The following CHGA variants were observed in gnomAD, a reference collection of about 807,000 sequenced individuals.
CHGA encodes chromogranin-A.
A neutral mutation model predicts 54.4 loss-of-function variants in CHGA; 41 were observed. That is an observed-to-expected ratio of 0.75 (90% CI 0.59 to 0.98). The LOEUF (loss-of-function observed/expected upper bound fraction) is 0.98, where lower values mean the gene tolerates loss of function less well. Ranked by LOEUF, CHGA falls within the 50% of genes least tolerant of loss-of-function variation. CHGA has a pLI of 0.00. For synonymous variants in CHGA, 249 were observed against 232.8 expected (o/e 1.07, Z -0.63); for missense variants, 576 against 582.3 (o/e 0.99, Z 0.11).
intron 7 of CHGA, 150 bp downstream of exon 7, chr14:92,933,001 G>A (rs559483106): frequency 8.0e-7 from 1 of 1,244,950 alleles, no homozygotes; most frequent in Non-Finnish European, 1.1e-6. Flanking sequence ...GGGGCTCTCA[G>A]GGTGGGAGAA....
At chr14:92,923,506 T>C in intron 1 of CHGA, 101 bp downstream of exon 1, 2 of 1,080,204 alleles carry the variant, frequency 1.9e-6, no homozygotes, top group Non-Finnish European at 2.4e-6. Flanking sequence ...CACACTTCCC[T>C]TCGGGCGCGG....
intron 5 of CHGA, among the ~76,000 whole-genome samples, chr14:92,930,244 G>A (rs539868374): frequency 1.0e-3 from 156 of 152,362 alleles, no homozygotes; most frequent in Middle Eastern, 3.4e-3. Flanking sequence ...GGTGTGAAAC[G>A]TGAAATGAAC....
At chr14:92,930,011 C>T (rs958148986) in intron 5 of CHGA, among the ~76,000 whole-genome samples, 196 bp downstream of exon 5, 4 of 152,218 alleles carry the variant, frequency 2.6e-5, no homozygotes, top group Non-Finnish European at 5.9e-5. Flanking sequence ...CCAGGGGTTT[C>T]GATCTGGTCC....
At position 92,932,514 on chromosome 14, in the gene CHGA, G is replaced by A. The variant is rs147297806; in HGVS notation, c.953G>A (p.Arg318Gln). Residue 318 changes from arginine (R) to glutamine (Q), a missense_variant, in exon 7 of 8, where the codon CGG (arginine) becomes CAG (glutamine). Arg to Gln is a conservative substitution (Grantham distance 43, BLOSUM62 1). Coordinates refer to ENST00000216492, the MANE Select transcript of CHGA (RefSeq NM_001275.4). This position sits in a 1 kb window ranked among gnomAD's most constrained non-coding sequence, Gnocchi z 5.3. The stretch of plus-strand genomic sequence containing the variant: ...GCAGTGGTCCCGCAAGGCCTCTTCC[G>A]GGGTGGGAAGAGCGGAGAGCTGGAG... ...EMAVVPQGLF[R>Q]GGKSGELEQE... The A allele has an allele frequency of 1.2e-5, 19 of 1,553,742 alleles. No individual in the cohort carries two copies. Among genetic ancestry groups the A allele is most frequent in the East Asian group, 7.2e-5 (3 of 41,402 alleles).
At position 92,934,216 on chromosome 14, in the gene CHGA, G is replaced by C. The variant is rs192674265; in HGVS notation, c.1291-585G>C. 6.1e-3 allele frequency among the ~76,000 whole-genome samples: 927 copies of C among 152,334 alleles called. 4 individuals are homozygous for C. The highest frequency in any genetic ancestry group is 0.029 in the South Asian group (138 of 4,826). Reference sequence around the variant, plus strand: ...CTGAAAGCTTCTGCAGACGGGCATAGAACAGGGCTCAGAGGAGGGGTCCCT... The same window carrying C: ...CTGAAAGCTTCTGCAGACGGGCATACAACAGGGCTCAGAGGAGGGGTCCCT... On this transcript the variant is annotated intron_variant, in intron 7 of 7. Coordinates refer to ENST00000216492, the MANE Select transcript of CHGA (RefSeq NM_001275.4).
In CHGA at chr14:92,929,727, G is replaced by C; in HGVS notation, c.267G>C (p.Glu89Asp). The part of the protein sequence containing the change: ...LQDLALQGAK[E>D]RAHQQKKHSG... ...CTTTTCTCATACCAGGCGCCAAGGAGAGGGCACATCAGCAGAAGAAACACA... is the reference window on the plus strand; with the variant it reads ...CTTTTCTCATACCAGGCGCCAAGGACAGGGCACATCAGCAGAAGAAACACA... The change falls in exon 5 of 8, where the codon GAG (glutamate) becomes GAC (aspartate). Residue 89 changes from glutamate (E) to aspartate (D), a missense_variant. Physicochemically the swap from Glu to Asp is conservative, Grantham distance 45. Transcript: ENST00000216492. 1.2e-6 allele frequency: 2 copies of C among 1,613,980 alleles called. No homozygotes were observed. The highest frequency in any genetic ancestry group is 1.7e-6 in the Non-Finnish European group (2 of 1,180,004).
rs771649968 is a variant in CHGA, at chr14:92,931,502, G to C, written c.608G>C (p.Ser203Thr). 23 of 1,612,552 alleles carry C rather than the reference G, an allele frequency of 1.4e-5. No individual in the cohort carries two copies. Among genetic ancestry groups the C allele is most frequent in the Non-Finnish European group, 1.7e-5 (20 of 1,179,704 alleles). The change falls in exon 6 of 8, where the codon AGT (serine) becomes ACT (threonine). Residue 203 changes from serine (S) to threonine (T), a missense_variant. Physicochemically the swap from Ser to Thr is moderately conservative, Grantham distance 58. Transcript: ENST00000216492. ...CCAGGCCCACAGGCCGAGGGGGACA[G>C]TGAGGGCCTCTCTCAGGGTCTGGTG... ...KYPGPQAEGDSEGLSQGLVDR... is the reference protein window; with the variant it reads ...KYPGPQAEGDTEGLSQGLVDR...
In CHGA at chr14:92,932,647, G is replaced by T. The variant is rs374405768; in HGVS notation, c.1086G>T (p.Glu362Asp). The change falls in exon 7 of 8, where the codon GAG (glutamate) becomes GAT (aspartate). Residue 362 changes from glutamate to aspartate, a missense_variant. Coordinates refer to ENST00000216492, the MANE Select transcript of CHGA (RefSeq NM_001275.4). This position sits in a 1 kb window ranked among gnomAD's most constrained non-coding sequence, Gnocchi z 5.3. ...CTGAGAAGCGGCTGGAGGGGCAGGA[G>T]GAGGAGGAGGACAACCGGGACAGTT... ...LTAEKRLEGQ[E>D]EEEDNRDSSM... 26 of 1,597,528 alleles carry T rather than the reference G, an allele frequency of 1.6e-5. No homozygotes were observed. In the African/African-American group the frequency reaches 3.3e-4, roughly 21 times the overall value.
At chr14:92,923,141 G>A (rs1461636469), upstream of CHGA, 2 of 347,040 alleles carry the variant, frequency 5.8e-6, no homozygotes, top group Admixed American at 4.9e-5. Flanking sequence ...GCGCGAGGGC[G>A]CTGCTGCTGC....
chr14:92,929,722 A>T lies in CHGA; in HGVS notation c.262A>T (p.Lys88Ter). 6.2e-7 allele frequency: 1 copy of T among 1,613,940 alleles called. No individual in the cohort carries two copies. Among genetic ancestry groups the T allele is most frequent in the South Asian group, 1.1e-5 (1 of 91,080 alleles). The change falls in exon 5 of 8, where the codon AAG (lysine) becomes TAG (stop). Residue 88 changes from lysine (K) to a stop codon, truncating the protein, a stop_gained. Coordinates refer to ENST00000216492, the MANE Select transcript of CHGA (RefSeq NM_001275.4). LOFTEE classifies it high-confidence loss of function. ...CCCTCCTTTTCTCATACCAGGCGCCAAGGAGAGGGCACATCAGCAGAAGAA... is the reference window on the plus strand; with the variant it reads ...CCCTCCTTTTCTCATACCAGGCGCCTAGGAGAGGGCACATCAGCAGAAGAA... ...ELQDLALQGA[K>*]ERAHQQKKHS...
rs748282255 is a variant in CHGA at position 92,931,275 on chromosome 14, G to A, written c.381G>A (p.Lys127=). 69 of 1,612,718 alleles carry A rather than the reference G, an allele frequency of 4.3e-5. No individual in the cohort carries two copies. Among genetic ancestry groups the A allele is most frequent in the Non-Finnish European group, 5.8e-5 (68 of 1,179,316 alleles). The change falls in exon 6 of 8, where the codon AAG becomes AAA. Residue 127 remains lysine (K), a synonymous_variant. Transcript: ENST00000216492. ...AGGCGGTGGAAGAGCCATCATCCAA[G>A]GATGTTATGGAGAAAAGAGAGGATT... ...LKEAVEEPSS[K]DVMEKREDSK...
intron 2 of CHGA, 57 bp from the exon 3 acceptor site, chr14:92,926,548 A>C (rs985536443): frequency 5.3e-5 from 77 of 1,445,108 alleles, no homozygotes; most frequent in Admixed American, 1.0e-4. Context: ...TAGAGCCTCC[A>C]GGGACTGAGC....
At chr14:92,925,797 C>T (rs1031256513) in intron 2 of CHGA, among the ~76,000 whole-genome samples, 2 of 152,170 alleles carry the variant, frequency 1.3e-5, no homozygotes, top group Non-Finnish European at 2.9e-5. Flanking sequence ...TTCTCACTCC[C>T]GTTTTACAAA....
rs749584845 is a variant in CHGA at position 92,932,806 on chromosome 14, C to T, written c.1245C>T (p.Pro415=). The change falls in exon 7 of 8, where the codon CCC becomes CCT. Residue 415 remains proline (P), a synonymous_variant. Coordinates refer to ENST00000216492, the MANE Select transcript of CHGA (RefSeq NM_001275.4). The surrounding 1 kb of genome is among the most constrained non-coding windows in gnomAD (Gnocchi z 5.3). ...TGCCCCTCCAGGTCCGAGGCTACCC[C>T]GAGGAGAAGAAAGAGGAGGAGGGCA... The part of the protein sequence containing the change: ...AGLPLQVRGY[P]EEKKEEEGSA... The T allele has an allele frequency of 5.0e-5, 77 of 1,551,120 alleles. No homozygotes were observed. In the Admixed American group the frequency reaches 8.7e-4, roughly 18 times the overall value.
chr14:92,931,229 T>G lies in CHGA; in HGVS notation c.356-21T>G, dbSNP rs577341301. Reference sequence around the variant, plus strand: ...CGTGGCCCAGTCCTCAGGGCCTGACTTGGCTGTGCTGTGTCTGCAGAGGCG... The same window carrying G: ...CGTGGCCCAGTCCTCAGGGCCTGACGTGGCTGTGCTGTGTCTGCAGAGGCG... On this transcript the variant is annotated intron_variant, in intron 5 of 7. Transcript: ENST00000216492. The G allele has an allele frequency of 1.9e-4, 295 of 1,589,268 alleles. 2 individuals are homozygous for G. The South Asian group carries it at 3.0e-3, about 16-fold the overall frequency.
At chr14:92,924,735 G>A (rs1336136803) in intron 2 of CHGA, among the ~76,000 whole-genome samples, 1 of 152,228 alleles carries the variant, frequency 6.6e-6, no homozygotes, top group Non-Finnish European at 1.5e-5. Flanking sequence ...AAAACATCTT[G>A]ATCATGGCTC....
chr14:92,926,803 C>CA (rs1381822348), intron 3 of CHGA, 105 bp downstream of exon 3: 2 of 934,518 alleles, frequency 2.1e-6, no homozygotes, highest in Non-Finnish European at 3.4e-6. Flanking sequence ...TCAACAGTCA[C>CA]TGACTGAGTG....
At chr14:92,928,109 G>A (rs977008423) in intron 4 of CHGA, among the ~76,000 whole-genome samples, 24 of 152,230 alleles carry the variant, frequency 1.6e-4, no homozygotes, top group African/African-American at 2.7e-4. Context: ...CACCTGCCCC[G>A]GCTGACTTCC....
At chr14:92,927,688 G>A in intron 4 of CHGA, 70 bp downstream of exon 4, 1 of 1,256,226 alleles carries the variant, frequency 8.0e-7, no homozygotes, top group South Asian at 1.3e-5. Flanking sequence ...TCTGGTGGAA[G>A]ATTCAGCAAG....
Sources: allele counts gnomAD v4.1 joint callset (sites outside exome capture counted in the v4.1 genomes callset), GRCh38; gene constraint gnomAD v4.1.1; non-coding constraint Gnocchi (gnomAD v3.1); transcripts MANE v1.5; gene names NCBI Gene and HGNC (gene_info 2026-07-23, HGNC 2026-07-21).